RBFOX1: variants seen among roughly 807,000 people sequenced by gnomAD.
The protein encoded by RBFOX1 is RNA binding fox-1 homolog 1.
RBFOX1 carries 8 observed loss-of-function variants against 57.7 expected under a neutral mutation model. That is an observed-to-expected ratio of 0.14 (90% confidence interval 0.08 to 0.25). The LOEUF is 0.25. Among genes scored for constraint, RBFOX1 ranks in the 10% least tolerant of loss-of-function variants. RBFOX1 has a pLI of 1.00. For synonymous variants in RBFOX1, 326 were observed against 222.4 expected (o/e 1.47, Z -4.15); for missense variants, 611 against 548.5 (o/e 1.11, Z -1.14).
chr16:5,875,561 C>T (rs777992348), intron 4 of RBFOX1, among the ~76,000 whole-genome samples: 2 of 152,140 alleles, frequency 1.3e-5, no homozygotes, highest in South Asian at 4.1e-4. Flanking sequence ...CGTAAGTAGT[C>T]CATAATACAC....
At chr16:6,890,067 C>A (rs1012439583) in intron 3 of RBFOX1, among the ~76,000 whole-genome samples, 25 of 152,120 alleles carry the variant, frequency 1.6e-4, no homozygotes, top group Admixed American at 1.4e-3. Context: ...TATAGATTTT[C>A]TTTTAAAGTA....
chr16:7,202,707 C>A (rs549474216), intron 4 of RBFOX1, among the ~76,000 whole-genome samples: 1 of 152,276 alleles, frequency 6.6e-6, no homozygotes, highest in East Asian at 1.9e-4. Flanking sequence ...GTGAACTCTG[C>A]ATGTGAGGGA....
intron 3 of RBFOX1, among the ~76,000 whole-genome samples, chr16:6,755,143 G>T (rs141827842): frequency 0.01 from 1,584 of 152,182 alleles, 29 homozygotes; most frequent in Middle Eastern, 0.048. Flanking sequence ...TTTGCTATTG[G>T]GGATAGTGCC....
chr16:5,895,633 C>T lies in RBFOX1; in HGVS notation c.351+28298C>T, dbSNP rs561791923. Among the ~76,000 whole-genome samples the T allele has an allele frequency of 1.6e-3, 237 of 152,254 alleles. 1 individual carries two copies. Among genetic ancestry groups the T allele is most frequent in the Non-Finnish European group, 2.8e-3 (192 of 68,028 alleles). ...CACAAAAGCTGGTTTACATTTCTGC[C>T]ACTAACGTGCAGTCTAACTGTGGGT... On this transcript the variant is annotated intron_variant, in intron 4 of 19. Coordinates refer to the RBFOX1 transcript ENST00000641259.
intron 3 of RBFOX1, among the ~76,000 whole-genome samples, chr16:7,002,081 T>G (rs971139648): frequency 3.3e-5 from 5 of 151,092 alleles, no homozygotes; most frequent in African/African-American, 1.2e-4. Flanking sequence ...GGGACTTTGC[T>G]CTTAGACGCT....
chr16:5,881,875 C>G (rs765788713), intron 4 of RBFOX1, among the ~76,000 whole-genome samples: 1 of 152,192 alleles, frequency 6.6e-6, no homozygotes, highest in Non-Finnish European at 1.5e-5. Context: ...AGGCACTCTT[C>G]TAAGCACATT....
intron 3 of RBFOX1, among the ~76,000 whole-genome samples, chr16:6,734,881 T>C (rs2069697266): frequency 6.6e-6 from 1 of 152,204 alleles, no homozygotes; most frequent in African/African-American, 2.4e-5. Flanking sequence ...TCTTGACGCC[T>C]AGTAAAGGTT....
intron 2 of RBFOX1, among the ~76,000 whole-genome samples, chr16:6,348,247 G>T (rs1016339343): frequency 1.2e-4 from 19 of 152,154 alleles, no homozygotes; most frequent in African/African-American, 4.3e-4. Context: ...CACTGTTTAG[G>T]AGCTGTGTAA....
intron 2 of RBFOX1, among the ~76,000 whole-genome samples, chr16:5,579,315 C>A (rs1317781938): frequency 6.6e-6 from 1 of 152,122 alleles, no homozygotes; most frequent in Non-Finnish European, 1.5e-5. Flanking sequence ...CCCCACCCAC[C>A]TTCACTTTCC....
intron 3 of RBFOX1, among the ~76,000 whole-genome samples, chr16:6,969,328 G>A (rs1167554786): frequency 2.0e-5 from 3 of 152,060 alleles, no homozygotes; most frequent in African/African-American, 7.3e-5. Flanking sequence ...GGATTAGGGT[G>A]CATTGAGGGA....
At chr16:5,422,923 AAGG>A (rs1470738801) in intron 1 of RBFOX1, among the ~76,000 whole-genome samples, 5 of 90,794 alleles carry the variant, frequency 5.5e-5, no homozygotes, top group Non-Finnish European at 1.1e-4. Flanking sequence ...GAGGAGGGAG[AAGG>A]AGGATGAGGG....
chr16:5,282,455 C>A (rs570266130), intron 1 of RBFOX1, among the ~76,000 whole-genome samples: 190 of 152,144 alleles, frequency 1.2e-3, no homozygotes, highest in African/African-American at 4.1e-3. Context: ...CAGAAGGAGA[C>A]AGGAAAATGT....
chr16:6,040,857 G>C (rs367549753), intron 1 of RBFOX1, among the ~76,000 whole-genome samples: 65 of 152,122 alleles, frequency 4.3e-4, no homozygotes, highest in African/African-American at 1.9e-4. Context: ...GCCTCCCAAA[G>C]TGCTGGGATT....
chr16:5,593,235 A>C (rs978484664), intron 2 of RBFOX1, among the ~76,000 whole-genome samples: 2 of 152,000 alleles, frequency 1.3e-5, no homozygotes, highest in African/African-American at 4.8e-5. Context: ...GCAAACTAAC[A>C]CAGGAACAGA....
intron 1 of RBFOX1, among the ~76,000 whole-genome samples, chr16:5,465,121 C>G (rs1421312244): frequency 6.6e-6 from 1 of 152,172 alleles, no homozygotes; most frequent in East Asian, 1.9e-4. Context: ...GATGGAGTGG[C>G]TTAAACAGCA....
chr16:5,579,411 C>T (rs2046585176), intron 2 of RBFOX1, among the ~76,000 whole-genome samples: 1 of 152,148 alleles, frequency 6.6e-6, no homozygotes, highest in Admixed American at 6.5e-5. Flanking sequence ...TTCTGGGATT[C>T]CGCTTGTGGC....
At chr16:7,030,144 T>C (rs919228466) in intron 3 of RBFOX1, among the ~76,000 whole-genome samples, 2 of 152,168 alleles carry the variant, frequency 1.3e-5, no homozygotes, top group Non-Finnish European at 2.9e-5. Flanking sequence ...GTTTTAATTG[T>C]AGTGATGTCA....
intron 4 of RBFOX1, among the ~76,000 whole-genome samples, chr16:7,201,704 C>T (rs925009823): frequency 6.6e-6 from 1 of 152,048 alleles, no homozygotes; most frequent in Non-Finnish European, 1.5e-5. Flanking sequence ...CTCAGGTGGT[C>T]CACCCACCTC....
intron 1 of RBFOX1, among the ~76,000 whole-genome samples, chr16:5,301,433 C>A (rs576244506): frequency 4.6e-5 from 7 of 152,120 alleles, no homozygotes; most frequent in African/African-American, 1.7e-4. Flanking sequence ...TCCTGGCTAA[C>A]ACGGTGAAAC....
Sources: allele counts gnomAD v4.1 joint callset (sites outside exome capture counted in the v4.1 genomes callset), GRCh38; gene constraint gnomAD v4.1.1; transcripts MANE v1.5; gene names NCBI Gene and HGNC (gene_info 2026-07-23, HGNC 2026-07-21).